ANKS1B: variants seen among roughly 807,000 people sequenced by gnomAD.
ANKS1B encodes ankyrin repeat and sterile alpha motif domain-containing protein 1B.
A neutral mutation model predicts 148.3 loss-of-function variants in ANKS1B; 36 were observed. That is an observed-to-expected ratio of 0.24 (90% CI 0.19 to 0.32). The LOEUF is 0.32. Ranked by LOEUF, ANKS1B falls within the 10% of genes least tolerant of loss-of-function variation. The pLI is 1.00. For missense variants in ANKS1B, 1,157 were observed against 1,542.6 expected (o/e 0.75, Z 4.19); for synonymous variants, 542 against 560.8 (o/e 0.97, Z 0.47).
intron 17 of ANKS1B, among the ~76,000 whole-genome samples, chr12:99,043,485 GC>G (rs1356593386): frequency 6.6e-6 from 1 of 152,170 alleles, no homozygotes; most frequent in Non-Finnish European, 1.5e-5. Flanking sequence ...TCAGTAACTT[GC>G]CCTGGACTTC....
At chr12:99,000,484 G>A (rs2099932332) in intron 17 of ANKS1B, among the ~76,000 whole-genome samples, 2 of 152,086 alleles carry the variant, frequency 1.3e-5, no homozygotes, top group Non-Finnish European at 1.5e-5. Context: ...GGCCAGGCTG[G>A]TCTAGAACTC....
intron 4 of ANKS1B, among the ~76,000 whole-genome samples, chr12:99,800,361 T>C (rs1340270730): frequency 3.4e-5 from 5 of 147,300 alleles, no homozygotes; most frequent in Admixed American, 7.0e-5. Context: ...TCCAGAATTG[T>C]GAGAAAATAA....
At chr12:99,253,055 C>G (rs2074820877) in intron 12 of ANKS1B, among the ~76,000 whole-genome samples, 1 of 152,028 alleles carries the variant, frequency 6.6e-6, no homozygotes, top group Admixed American at 6.6e-5. Context: ...AAGACCTCAT[C>G]TGTACAAAAA....
In ANKS1B at chr12:98,906,551, A is replaced by T. The variant is rs918308; in HGVS notation, c.2779-74415T>A. Reference sequence around the variant, plus strand: ...GTCTCTGCCTTGGCATGTATATTACAAGAGAAAATCATAGGAAGGGCAAGG... The same window carrying T: ...GTCTCTGCCTTGGCATGTATATTACTAGAGAAAATCATAGGAAGGGCAAGG... On this transcript the variant is annotated intron_variant, in intron 17 of 26. Transcript: ENST00000683438. 2.4e-3 allele frequency among the ~76,000 whole-genome samples: 362 copies of T among 152,296 alleles called. 1 individual carries two copies. The highest frequency in any genetic ancestry group is 8.4e-3 in the African/African-American group (347 of 41,554).
At chr12:99,422,339 C>G (rs1188556273) in intron 11 of ANKS1B, among the ~76,000 whole-genome samples, 1 of 152,160 alleles carries the variant, frequency 6.6e-6, no homozygotes, top group Non-Finnish European at 1.5e-5. Flanking sequence ...AGATGCCATT[C>G]TTTCCCTCAA....
intron 12 of ANKS1B, among the ~76,000 whole-genome samples, chr12:99,398,952 CT>C (rs1243631321): frequency 6.6e-6 from 1 of 152,110 alleles, no homozygotes; most frequent in African/African-American, 2.4e-5. Flanking sequence ...ACTTTTGTCT[CT>C]ATATTGTATT....
At chr12:98,851,477 G>C (rs1030350937) in intron 17 of ANKS1B, among the ~76,000 whole-genome samples, 3 of 152,152 alleles carry the variant, frequency 2.0e-5, no homozygotes, top group African/African-American at 7.2e-5. Context: ...AACAGGACAT[G>C]TCTGTTTATG....
At chr12:99,330,558 T>G (rs748566662) in intron 12 of ANKS1B, among the ~76,000 whole-genome samples, 1 of 152,056 alleles carries the variant, frequency 6.6e-6, no homozygotes, top group Non-Finnish European at 1.5e-5. Context: ...CTGGGATTAT[T>G]TGCATCTGTT....
chr12:99,953,272 G>C (rs954375381), intron 1 of ANKS1B, among the ~76,000 whole-genome samples: 2 of 152,122 alleles, frequency 1.3e-5, no homozygotes, highest in Non-Finnish European at 1.5e-5. Flanking sequence ...CAAAGGTCAA[G>C]GGAGAAAAAG....
chr12:99,833,042 C>G (rs2084283842), intron 1 of ANKS1B, among the ~76,000 whole-genome samples: 1 of 152,082 alleles, frequency 6.6e-6, no homozygotes, highest in Non-Finnish European at 1.5e-5. Context: ...TATTACTATT[C>G]CCATTGTATA....
At chr12:99,333,660 G>A (rs1671096926) in intron 12 of ANKS1B, among the ~76,000 whole-genome samples, 1 of 151,884 alleles carries the variant, frequency 6.6e-6, no homozygotes, top group African/African-American at 2.4e-5. Flanking sequence ...TTCTCTATTT[G>A]CCTCTTTGGT....
intron 12 of ANKS1B, 77 bp from the exon 13 acceptor site, chr12:99,246,941 C>A: frequency 9.0e-7 from 1 of 1,109,352 alleles, no homozygotes; most frequent in Non-Finnish European, 1.3e-6. Context: ...CCCTTATGAA[C>A]ATGTGGGCTA....
At chr12:99,845,567 A>C (rs1422295449) in intron 1 of ANKS1B, among the ~76,000 whole-genome samples, 1 of 152,196 alleles carries the variant, frequency 6.6e-6, no homozygotes, top group Non-Finnish European at 1.5e-5. Flanking sequence ...CCCAGGGATG[A>C]AGCTGAGTTG....
chr12:99,893,504 G>T lies in ANKS1B; in HGVS notation c.135-68115C>A, dbSNP rs12581497. 1.7e-3 allele frequency among the ~76,000 whole-genome samples: 254 copies of T among 152,054 alleles called. 9 individuals carry two copies. The East Asian group carries it at 0.041, about 24-fold the overall frequency. ...TGAAAAGCCATTTCATGAAGCAGTGGTGAATCAAGTTTTTACTATATGTTA... is the reference window on the plus strand; with the variant it reads ...TGAAAAGCCATTTCATGAAGCAGTGTTGAATCAAGTTTTTACTATATGTTA... On this transcript the variant is annotated intron_variant, in intron 1 of 26. Coordinates refer to ENST00000683438, the MANE Select transcript of ANKS1B (RefSeq NM_001352186.2).
intron 4 of ANKS1B, among the ~76,000 whole-genome samples, chr12:99,804,634 T>C (rs2067360091): frequency 6.6e-6 from 1 of 152,170 alleles, no homozygotes; most frequent in South Asian, 2.1e-4. Flanking sequence ...TGAGCACGCA[T>C]TCCACCTGGA....
intron 11 of ANKS1B, among the ~76,000 whole-genome samples, chr12:99,401,397 G>A (rs1426029139): frequency 1.4e-5 from 2 of 146,194 alleles, no homozygotes; most frequent in African/African-American, 2.6e-5. Flanking sequence ...TTCACTTTAT[G>A]TGTAGGCAAT....
At chr12:99,261,752 A>G (rs2075945294) in intron 12 of ANKS1B, among the ~76,000 whole-genome samples, 1 of 152,092 alleles carries the variant, frequency 6.6e-6, no homozygotes, top group Admixed American at 6.6e-5. Flanking sequence ...CCTCACAGGC[A>G]ATTCTCAACA....
chr12:99,373,339 G>A (rs977778813), intron 12 of ANKS1B, among the ~76,000 whole-genome samples: 1 of 152,128 alleles, frequency 6.6e-6, no homozygotes, highest in Non-Finnish European at 1.5e-5. Context: ...ATAATTGGGA[G>A]AGGAAAAAAG....
chr12:99,007,227 T>C (rs1445043289), intron 17 of ANKS1B, among the ~76,000 whole-genome samples: 1 of 152,188 alleles, frequency 6.6e-6, no homozygotes, highest in Admixed American at 6.5e-5. Flanking sequence ...GAACTAGTTA[T>C]GAAAGAATCA....
Sources: gnomAD v4.1 joint callset for allele counts (sites outside exome capture counted in the v4.1 genomes callset) on GRCh38, gnomAD v4.1.1 for gene constraint, MANE v1.5 for transcripts, NCBI Gene and HGNC (gene_info 2026-07-23, HGNC 2026-07-21) for gene names.